Variants in DOCK3 observed in about 807,000 individuals in gnomAD.
DOCK3 encodes the protein dedicator of cytokinesis 3, also known as dedicator of cytokinesis protein 3.
DOCK3 carries 60 observed loss-of-function variants against 265.6 expected under a neutral mutation model. That is an observed-to-expected ratio of 0.23 (90% confidence interval 0.18 to 0.28). The LOEUF is 0.28. DOCK3 is among the 10% of genes least tolerant of loss of function. The probability of loss-of-function intolerance (pLI) is 1.00; values close to 1 mark genes in which losing one functional copy is unlikely to be tolerated. For missense variants in DOCK3, 1,981 were observed against 2,594.3 expected (o/e 0.76, Z 5.14); for synonymous variants, 881 against 938.0 (o/e 0.94, Z 1.11).
intron 23 of DOCK3, among the ~76,000 whole-genome samples, 164 bp from the exon 24 acceptor site, chr3:51,270,651 C>G (rs1560323015): frequency 6.6e-6 from 1 of 152,174 alleles, no homozygotes; most frequent in Non-Finnish European, 1.5e-5. Flanking sequence ...GTTTTTCTTG[C>G]TCCATGCCTG....
At chr3:51,070,127 A>T (rs1335206539) in intron 6 of DOCK3, among the ~76,000 whole-genome samples, 1 of 151,194 alleles carries the variant, frequency 6.6e-6, no homozygotes, top group Non-Finnish European at 1.5e-5. Flanking sequence ...TTTGCTTATC[A>T]TTATAACCTG....
intron 10 of DOCK3, among the ~76,000 whole-genome samples, chr3:51,151,987 C>T (rs2063848514): frequency 6.6e-6 from 1 of 152,160 alleles, no homozygotes; most frequent in South Asian, 2.1e-4. Context: ...AGTTGCTCTT[C>T]TCAAGGAGTA....
intron 9 of DOCK3, among the ~76,000 whole-genome samples, chr3:51,103,694 C>T (rs2083168321): frequency 6.6e-6 from 1 of 152,192 alleles, no homozygotes; most frequent in Non-Finnish European, 1.5e-5. Flanking sequence ...AATACCTCTG[C>T]CTTCAAGGAC....
chr3:50,982,009 C>A (rs2077712365), intron 5 of DOCK3, among the ~76,000 whole-genome samples: 1 of 152,046 alleles, frequency 6.6e-6, no homozygotes, highest in African/African-American at 2.4e-5. Flanking sequence ...CCACCATGCC[C>A]AGTTAATTTT....
chr3:50,778,901 C>T, intron 2 of DOCK3, 143 bp downstream of exon 2: 1 of 557,226 alleles, frequency 1.8e-6, no homozygotes, highest in Non-Finnish European at 3.0e-6. Context: ...TAAAATTCTT[C>T]CTGATCTGTG....
At chr3:51,372,558 T>C (rs937165036) in intron 49 of DOCK3, among the ~76,000 whole-genome samples, 4 of 152,146 alleles carry the variant, frequency 2.6e-5, no homozygotes, top group African/African-American at 9.7e-5. Context: ...TATGCAGATG[T>C]GGGGTTTTCT....
intron 3 of DOCK3, among the ~76,000 whole-genome samples, chr3:50,854,427 TC>T (rs1280862213): frequency 6.8e-6 from 1 of 146,702 alleles, no homozygotes; most frequent in Non-Finnish European, 1.5e-5. Flanking sequence ...CCTCCCCCCA[TC>T]TTTTTTTTTT....
intron 2 of DOCK3, among the ~76,000 whole-genome samples, chr3:50,782,743 G>A (rs1399478070): frequency 3.3e-5 from 5 of 151,980 alleles, no homozygotes; most frequent in African/African-American, 2.4e-5. Flanking sequence ...CACCCGAGCA[G>A]TGTACACTGT....
intron 18 of DOCK3, 25 bp from the exon 19 acceptor site, chr3:51,229,487 C>G: frequency 1.3e-6 from 2 of 1,531,058 alleles, no homozygotes; most frequent in South Asian, 1.3e-5. Flanking sequence ...TCAAGGGTTC[C>G]TCATCTTTTG....
intron 1 of DOCK3, among the ~76,000 whole-genome samples, chr3:50,739,407 T>A (rs2038867361): frequency 6.6e-6 from 1 of 152,146 alleles, no homozygotes; most frequent in Admixed American, 6.5e-5. Flanking sequence ...TTTGCATTGT[T>A]CTACAGTACC....
At chr3:51,085,186 A>G (rs183384690) in intron 7 of DOCK3, among the ~76,000 whole-genome samples, 12 of 152,360 alleles carry the variant, frequency 7.9e-5, no homozygotes, top group Middle Eastern at 3.4e-3. Context: ...AGCAAATACT[A>G]TCAGAGCAAA....
At chr3:51,350,217 T>G in intron 39 of DOCK3, 71 bp from the exon 40 acceptor site, 2 of 1,359,856 alleles carry the variant, frequency 1.5e-6, no homozygotes, top group Admixed American at 2.2e-5. Context: ...CAGTGTCCAG[T>G]TGGGCCTGGG....
intron 4 of DOCK3, among the ~76,000 whole-genome samples, chr3:50,933,255 T>C (rs1350001246): frequency 6.6e-6 from 1 of 152,210 alleles, no homozygotes; most frequent in Non-Finnish European, 1.5e-5. Context: ...TTTAGATTTA[T>C]TACTGTCCAT....
At chr3:50,872,034 C>G (rs1440983667) in intron 3 of DOCK3, among the ~76,000 whole-genome samples, 1 of 152,158 alleles carries the variant, frequency 6.6e-6, no homozygotes, top group African/African-American at 2.4e-5. Context: ...AGATTTGGTT[C>G]CTGGTGCCTT....
At chr3:50,999,574 C>T (rs908444124) in intron 5 of DOCK3, among the ~76,000 whole-genome samples, 1 of 152,206 alleles carries the variant, frequency 6.6e-6, no homozygotes, top group Non-Finnish European at 1.5e-5. Flanking sequence ...GTACTGATGA[C>T]TCAGAAATTT....
intron 14 of DOCK3, among the ~76,000 whole-genome samples, chr3:51,221,793 G>T (rs982783526): frequency 6.6e-6 from 1 of 152,146 alleles, no homozygotes; most frequent in African/African-American, 2.4e-5. Flanking sequence ...AGTCAGGGCT[G>T]CCCAAGGTCC....
At chr3:50,901,020 C>G in intron 4 of DOCK3, 1 of 364,962 alleles carries the variant, frequency 2.7e-6, no homozygotes, top group South Asian at 2.1e-5. Flanking sequence ...GAGATTCGCT[C>G]CTCTCTTCAG....
chr3:50,938,887 T>TAA (rs576019011), intron 5 of DOCK3, among the ~76,000 whole-genome samples: 248 of 143,240 alleles, frequency 1.7e-3, no homozygotes, highest in African/African-American at 6.1e-3. Context: ...TGAGACTCTG[T>TAA]AAAAAAAAAA....
chr3:51,067,637 T>C (rs989989111), intron 6 of DOCK3, among the ~76,000 whole-genome samples: 3 of 149,242 alleles, frequency 2.0e-5, no homozygotes, highest in Admixed American at 6.7e-5. Flanking sequence ...CCCCCACCCC[T>C]CTCTTCCTTT....
Sources: allele counts gnomAD v4.1 joint callset (sites outside exome capture counted in the v4.1 genomes callset), GRCh38; gene constraint gnomAD v4.1.1; transcripts MANE v1.5; gene names NCBI Gene and HGNC (gene_info 2026-07-23, HGNC 2026-07-21).